The following FARS2 variants were observed in gnomAD, a reference collection of about 807,000 sequenced individuals.
FARS2 encodes phenylalanyl-tRNA synthetase 2, mitochondrial, also known as phenylalanine--tRNA ligase, mitochondrial.
A neutral mutation model predicts 46.4 loss-of-function variants in FARS2; 40 were observed. The observed-to-expected ratio is 0.86, with a 90% CI of 0.67 to 1.12. The LOEUF (loss-of-function observed/expected upper bound fraction) is 1.12, where lower values mean the gene tolerates loss of function less well. FARS2 is among the 50% of genes most tolerant of loss of function. The pLI is 0.00. For missense variants in FARS2, 513 were observed against 567.9 expected, an observed-to-expected ratio of 0.90 and a Z score of 0.98; for synonymous variants, 234 against 214.9, an observed-to-expected ratio of 1.09 and a Z score of -0.78.
At chr6:5,661,498 G>A (rs1038937160) in intron 6 of FARS2, among the ~76,000 whole-genome samples, 1 of 152,172 alleles carries the variant, frequency 6.6e-6, no homozygotes, top group Non-Finnish European at 1.5e-5. Context: ...CCAGATAGAG[G>A]AGAGCAAATC....
At chr6:5,283,911 CACAT>C (rs1336803343) in intron 1 of FARS2, among the ~76,000 whole-genome samples, 1 of 152,132 alleles carries the variant, frequency 6.6e-6, no homozygotes, top group Admixed American at 6.5e-5. Context: ...TCATTTTGCA[CACAT>C]ACAAACAGGT....
intron 3 of FARS2, among the ~76,000 whole-genome samples, chr6:5,424,897 G>A (rs1401431424): frequency 6.6e-6 from 1 of 152,226 alleles, no homozygotes; most frequent in Non-Finnish European, 1.5e-5. Context: ...ATCATCAGAT[G>A]TCTTTGACAG....
At chr6:5,533,536 C>A (rs1340867566) in intron 4 of FARS2, among the ~76,000 whole-genome samples, 1 of 152,180 alleles carries the variant, frequency 6.6e-6, no homozygotes. Context: ...TCCAGCCACT[C>A]GAGATGGATC....
intron 6 of FARS2, among the ~76,000 whole-genome samples, chr6:5,655,390 C>G (rs141207467): frequency 1.3e-5 from 2 of 152,202 alleles, no homozygotes; most frequent in Non-Finnish European, 2.9e-5. Context: ...GTTTCACTGC[C>G]CTAACAAATT....
At chr6:5,716,936 T>C (rs1221674215) in intron 6 of FARS2, among the ~76,000 whole-genome samples, 2 of 152,190 alleles carry the variant, frequency 1.3e-5, no homozygotes, top group African/African-American at 2.4e-5. Flanking sequence ...GGAGACTTCA[T>C]TGGATAGGCA....
chr6:5,422,598 A>G (rs556179591), intron 3 of FARS2, among the ~76,000 whole-genome samples: 2 of 152,260 alleles, frequency 1.3e-5, no homozygotes, highest in East Asian at 3.9e-4. Flanking sequence ...TAGATACGTG[A>G]GCTGTTGCAG....
chr6:5,613,267 T>C lies in FARS2; in HGVS notation c.1164T>C (p.Ile388=). Residue 388 remains isoleucine (I), a synonymous_variant, in exon 6 of 7, where the codon ATT becomes ATC. Transcript: ENST00000274680. ...ATTTCTATGACTTAGTCCGAACAATTGGAGGAGACCTGGTGGAAAAGGTTG... is the reference window on the plus strand; with the variant it reads ...ATTTCTATGACTTAGTCCGAACAATCGGAGGAGACCTGGTGGAAAAGGTTG... The part of the protein sequence containing the change: ...ENDFYDLVRT[I]GGDLVEKVDL... 1 of 1,613,672 alleles carries C rather than the reference T, an allele frequency of 6.2e-7. No homozygotes were observed. The highest frequency in any genetic ancestry group is 1.1e-5 in the South Asian group (1 of 91,048).
At chr6:5,469,074 G>C (rs958991043) in intron 4 of FARS2, among the ~76,000 whole-genome samples, 1 of 152,198 alleles carries the variant, frequency 6.6e-6, no homozygotes, top group Admixed American at 6.5e-5. Flanking sequence ...TTCTTGAAAA[G>C]GGCTCGAGAC....
intron 5 of FARS2, among the ~76,000 whole-genome samples, chr6:5,599,984 A>G (rs901320203): frequency 6.6e-6 from 1 of 152,182 alleles, no homozygotes; most frequent in African/African-American, 2.4e-5. Flanking sequence ...GCCACATGCA[A>G]TGCAAATGGG....
At chr6:5,519,735 T>C (rs1439146506) in intron 4 of FARS2, among the ~76,000 whole-genome samples, 2 of 152,110 alleles carry the variant, frequency 1.3e-5, no homozygotes, top group African/African-American at 2.4e-5. Context: ...AATAATAAAA[T>C]AAAACAAGTA....
At chr6:5,304,592 G>A (rs947849789) in intron 1 of FARS2, among the ~76,000 whole-genome samples, 5 of 152,144 alleles carry the variant, frequency 3.3e-5, no homozygotes, top group African/African-American at 1.2e-4. Flanking sequence ...TGGCCAACTT[G>A]GTTAGGGATG....
chr6:5,305,899 G>C (rs920580980), intron 1 of FARS2, among the ~76,000 whole-genome samples: 4 of 152,174 alleles, frequency 2.6e-5, no homozygotes, highest in African/African-American at 9.7e-5. Context: ...TATACTGAGT[G>C]CCAAGAGACA....
intron 2 of FARS2, among the ~76,000 whole-genome samples, chr6:5,402,324 T>G (rs1291978044): frequency 2.0e-5 from 3 of 151,726 alleles, no homozygotes; most frequent in African/African-American, 4.8e-5. Flanking sequence ...CCTTAAATGC[T>G]TGATTGAGCA....
intron 5 of FARS2, among the ~76,000 whole-genome samples, chr6:5,580,870 T>C (rs912573144): frequency 1.3e-5 from 2 of 152,244 alleles, no homozygotes; most frequent in African/African-American, 4.8e-5. Context: ...TATCTGTCAA[T>C]ATGCACAATT....
upstream of FARS2, among the ~76,000 whole-genome samples, chr6:5,259,035 C>T (rs149598827): frequency 4.4e-3 from 673 of 152,310 alleles, 2 homozygotes; most frequent in African/African-American, 0.015. Context: ...GTCCAACAGT[C>T]TATTTCATAA....
intron 2 of FARS2, among the ~76,000 whole-genome samples, chr6:5,388,173 A>C (rs529399716): frequency 6.6e-6 from 1 of 152,170 alleles, no homozygotes; most frequent in Non-Finnish European, 1.5e-5. Context: ...AGATGAACCA[A>C]TAATTTGAAG....
intron 6 of FARS2, among the ~76,000 whole-genome samples, chr6:5,644,678 C>T (rs572366325): frequency 1.1e-4 from 17 of 152,320 alleles, no homozygotes; most frequent in Non-Finnish European, 8.8e-5. Flanking sequence ...GGTGATGTGC[C>T]CCAGAGGAAA....
chr6:5,713,038 A>G (rs1021884788), intron 6 of FARS2, among the ~76,000 whole-genome samples: 6 of 152,234 alleles, frequency 3.9e-5, no homozygotes, highest in East Asian at 1.9e-4. Flanking sequence ...TGTGTGCCCT[A>G]CCTTATCCTG....
chr6:5,550,723 G>A (rs1483511016), intron 5 of FARS2, among the ~76,000 whole-genome samples: 1 of 152,002 alleles, frequency 6.6e-6, no homozygotes, highest in African/African-American at 2.4e-5. Context: ...GTTCCTGATG[G>A]TAAATCATTC....
Sources: allele counts gnomAD v4.1 joint callset (sites outside exome capture counted in the v4.1 genomes callset), GRCh38; gene constraint gnomAD v4.1.1; transcripts MANE v1.5; gene names NCBI Gene and HGNC (gene_info 2026-07-23, HGNC 2026-07-21).